The following SLC26A8 variants were observed in gnomAD, a reference collection of about 807,000 sequenced individuals.
SLC26A8 encodes the protein testis anion transporter 1.
A neutral mutation model predicts 105.0 loss-of-function variants in SLC26A8; 70 were observed. The ratio of observed to expected loss-of-function variants is 0.67; its 90% CI spans 0.55 to 0.81. The LOEUF (loss-of-function observed/expected upper bound fraction) is 0.81. Among genes scored for constraint, SLC26A8 ranks in the 40% least tolerant of loss-of-function variants. The probability of loss-of-function intolerance (pLI) is 0.00; values close to 1 mark genes in which losing one functional copy is unlikely to be tolerated. For missense variants in SLC26A8, 998 were observed against 1,181.8 expected, an observed-to-expected ratio of 0.84 and a Z score of 2.28; for synonymous variants, 415 against 438.3, an observed-to-expected ratio of 0.95 and a Z score of 0.66.
intron 3 of SLC26A8, among the ~76,000 whole-genome samples, chr6:36,001,350 G>A (rs1048428964): frequency 8.5e-5 from 13 of 152,048 alleles, no homozygotes; most frequent in Non-Finnish European, 1.9e-4. Context: ...GGATGGTCTC[G>A]ATCTCCTGAC....
intron 12 of SLC26A8, among the ~76,000 whole-genome samples, chr6:35,962,150 C>T (rs551883822): frequency 5.9e-5 from 9 of 151,274 alleles, no homozygotes; most frequent in Non-Finnish European, 1.2e-4. Context: ...CACTTGAACC[C>T]GGGAGGCGGA....
chr6:36,005,252 T>A (rs190524197), intron 3 of SLC26A8, among the ~76,000 whole-genome samples: 2 of 152,318 alleles, frequency 1.3e-5, no homozygotes, highest in Admixed American at 1.3e-4. Context: ...TCTCCTAATG[T>A]TAATATTTTA....
intron 19 of SLC26A8, among the ~76,000 whole-genome samples, chr6:35,949,963 G>T (rs1210645243): frequency 6.6e-6 from 1 of 151,846 alleles, no homozygotes; most frequent in Admixed American, 6.6e-5. Flanking sequence ...GTGCCACCAC[G>T]CCCGGCTAAT....
Position 35,991,678 on chromosome 6 carries a change from A to C in SLC26A8, c.923T>G (p.Phe308Cys). The change falls in exon 7 of 20, where the codon TTT becomes TGT. Residue 308 changes from phenylalanine (F) to cysteine (C), a missense_variant. By Grantham distance (205) the Phe-to-Cys change is radical (BLOSUM62 -2). Transcript: ENST00000490799. The stretch of plus-strand genomic sequence containing the variant: ...ACCTACCAGAAATAATTCCATGGGA[A>C]ACTCAATGGGATACTGATTGAAAGA... ...RISFNQYPIE[F>C]PMELFLIIGF... The C allele has an allele frequency of 6.4e-7, 1 of 1,574,094 alleles. No homozygotes were observed. Among genetic ancestry groups the C allele is most frequent in the Non-Finnish European group, 8.6e-7 (1 of 1,163,380 alleles).
At chr6:36,000,196 C>T (rs950291375) in intron 3 of SLC26A8, 88 bp from the exon 4 acceptor site, 13 of 861,380 alleles carry the variant, frequency 1.5e-5, no homozygotes, top group African/African-American at 3.4e-5. Flanking sequence ...AAATAAAAAT[C>T]ATCCATGTGT....
intron 3 of SLC26A8, among the ~76,000 whole-genome samples, chr6:36,006,371 C>T (rs1421732340): frequency 3.9e-5 from 6 of 152,192 alleles, no homozygotes; most frequent in Non-Finnish European, 7.3e-5. Flanking sequence ...TCACCTCCCT[C>T]AGCCTCCCAA....
chr6:35,961,103 A>AT lies in SLC26A8; in HGVS notation c.1462-5dup, dbSNP rs762982495. ...AGAATGTCATCATCCAAAGAGCCTT[A>AT]TGGAAAAGGGAATGAGGGGAAAATG... On this transcript the variant is annotated splice_region_variant and splice_polypyrimidine_tract_variant and intron_variant, in intron 12 of 19. Transcript: ENST00000490799. The AT allele has an allele frequency of 1.2e-6, 2 of 1,610,194 alleles. No individual in the cohort carries two copies. The highest frequency in any genetic ancestry group is 3.3e-5 in the Admixed American group (2 of 59,946).
chr6:36,019,393 T>C, intron 2 of SLC26A8, 127 bp downstream of exon 2: 2 of 1,022,642 alleles, frequency 2.0e-6, no homozygotes, highest in Non-Finnish European at 2.8e-6. Flanking sequence ...GAAGAAAAAT[T>C]GCACAATAAA....
At chr6:35,947,842 G>A (rs531820867) in intron 19 of SLC26A8, among the ~76,000 whole-genome samples, 1 of 152,266 alleles carries the variant, frequency 6.6e-6, no homozygotes, top group East Asian at 1.9e-4. Flanking sequence ...GAGGTTGGAG[G>A]ATTGCTTGAG....
intron 11 of SLC26A8, among the ~76,000 whole-genome samples, chr6:35,962,945 G>A (rs1163225671): frequency 6.6e-6 from 1 of 152,064 alleles, no homozygotes; most frequent in Non-Finnish European, 1.5e-5. Flanking sequence ...CTGGGACTAC[G>A]TGCCATCACT....
chr6:35,983,095 C>T (rs1314099536), intron 7 of SLC26A8, among the ~76,000 whole-genome samples: 1 of 152,192 alleles, frequency 6.6e-6, no homozygotes, highest in African/African-American at 2.4e-5. Context: ...CTTCTTTCCC[C>T]AGCATCTACT....
Position 35,959,391 on chromosome 6 carries a change from T to A in SLC26A8, c.1863+69A>T, listed in dbSNP as rs1340725522. 23 of 1,483,576 alleles carry A rather than the reference T, an allele frequency of 1.6e-5. 1 individual carries two copies. In the East Asian group the frequency reaches 3.9e-4, roughly 25 times the overall value. 91.9% of individuals were successfully genotyped at this position (1,483,576 alleles called of 1,614,324 possible). On this transcript the variant is annotated intron_variant, in intron 16 of 19. Transcript: ENST00000490799. ...CCCTTAGAGGTTTTGATTTTTTTTT[T>A]AAGAAATGACTAGTGTACTTGTTTA...
chr6:35,983,175 C>G (rs1473926450), intron 7 of SLC26A8, among the ~76,000 whole-genome samples: 1 of 152,102 alleles, frequency 6.6e-6, no homozygotes, highest in Non-Finnish European at 1.5e-5. Flanking sequence ...CAGATGAAGA[C>G]CCCTAGGAAG....
chr6:35,945,006 C>T (rs1025480330), intron 19 of SLC26A8, among the ~76,000 whole-genome samples: 4 of 151,950 alleles, frequency 2.6e-5, no homozygotes, highest in Non-Finnish European at 5.9e-5. Context: ...TGCACCACCA[C>T]GACTGGCTAA....
intron 7 of SLC26A8, 137 bp downstream of exon 7, chr6:35,991,518 AAAAG>A (rs1761158824): frequency 1.7e-6 from 1 of 594,310 alleles, no homozygotes; most frequent in Non-Finnish European, 2.6e-6. Flanking sequence ...ATATTTTAGA[AAAAG>A]AAAACAAGCA....
At chr6:35,973,154 C>T (rs901547157) in intron 10 of SLC26A8, among the ~76,000 whole-genome samples, 11 of 152,296 alleles carry the variant, frequency 7.2e-5, no homozygotes, top group African/African-American at 2.6e-4. Context: ...CCCAAATTTA[C>T]ATTATGCTTA....
chr6:35,951,117 C>A, intron 19 of SLC26A8, 46 bp downstream of exon 19: 1 of 1,544,966 alleles, frequency 6.5e-7, no homozygotes, highest in Non-Finnish European at 8.9e-7. Flanking sequence ...CCCCCCACTG[C>A]CCTCAATCCC....
intron 9 of SLC26A8, 68 bp downstream of exon 9, chr6:35,977,136 C>T (rs1773068601): frequency 2.0e-6 from 3 of 1,511,858 alleles, no homozygotes; most frequent in South Asian, 1.3e-5. Flanking sequence ...ACTCCTGCTT[C>T]ATGTTGGCAG....
intron 19 of SLC26A8, among the ~76,000 whole-genome samples, chr6:35,945,000 C>T (rs1771614414): frequency 6.6e-6 from 1 of 152,082 alleles, no homozygotes; most frequent in Admixed American, 6.5e-5. Flanking sequence ...CAGATATGCA[C>T]CACCACGACT....
Sources: gnomAD v4.1 joint callset for allele counts (sites outside exome capture counted in the v4.1 genomes callset) on GRCh38, gnomAD v4.1.1 for gene constraint, MANE v1.5 for transcripts, NCBI Gene and HGNC (gene_info 2026-07-23, HGNC 2026-07-21) for gene names.